Variants in FAR1 observed in about 807,000 individuals in gnomAD.
The protein encoded by FAR1 is fatty acyl-CoA reductase 1, also known as male sterility domain-containing protein 2.
Under a neutral mutation model 61.1 loss-of-function variants are expected in FAR1, and 22 were observed. The observed-to-expected ratio is 0.36, with a 90% confidence interval of 0.26 to 0.51. The LOEUF (loss-of-function observed/expected upper bound fraction) is 0.51, where lower values mean the gene tolerates loss of function less well. Ranked by LOEUF, FAR1 falls within the 20% of genes least tolerant of loss-of-function variation. The probability of loss-of-function intolerance (pLI) is 0.95; values close to 1 mark genes in which losing one functional copy is unlikely to be tolerated. For missense variants in FAR1, 359 were observed against 626.9 expected (o/e 0.57, Z 4.56); for synonymous variants, 206 against 209.7 (o/e 0.98, Z 0.15).
At chr11:13,706,359 A>T (rs754367706) in intron 3 of FAR1, among the ~76,000 whole-genome samples, 27 of 152,272 alleles carry the variant, frequency 1.8e-4, no homozygotes, top group African/African-American at 6.0e-4. Context: ...ATTAATAAAT[A>T]TACCATTTCT....
rs574884146 is a variant in FAR1, at chr11:13,678,404, A to G, written c.-8+9598A>G. Among the ~76,000 whole-genome samples, 6 of 151,942 alleles carry G rather than the reference A, an allele frequency of 3.9e-5. No individual in the cohort carries two copies. In the South Asian group the frequency reaches 1.2e-3, roughly 32 times the overall value. On this transcript the variant is annotated intron_variant, in intron 1 of 11. Transcript: ENST00000354817. ...CTCAGCCTCCTGAGTAGCTGGGACT[A>G]CAGATGCCTGCCACCATGCCCAGCT...
At position 13,727,655 on chromosome 11, in the gene FAR1, C is replaced by G. The variant is rs1158090761; in HGVS notation, c.1357C>G (p.Leu453Val). Residue 453 changes from leucine to valine, a missense_variant, in exon 11 of 12, where the codon CTC becomes GTC. Transcript: ENST00000354817. ...KYVLNEEMSGLPAARKHLNKL... is the reference protein window; with the variant it reads ...KYVLNEEMSGVPAARKHLNKL... The stretch of plus-strand genomic sequence containing the variant: ...CGTATTGAATGAAGAAATGTCTGGC[C>G]TCCCTGCAGCCAGAAAACATCTGAA... The G allele has an allele frequency of 6.2e-7, 1 of 1,609,020 alleles. No homozygotes were observed. Among genetic ancestry groups the G allele is most frequent in the South Asian group, 1.1e-5 (1 of 90,568 alleles).
At chr11:13,724,139 T>C (rs1848643589) in intron 10 of FAR1, among the ~76,000 whole-genome samples, 1 of 152,218 alleles carries the variant, frequency 6.6e-6, no homozygotes, top group South Asian at 2.1e-4. Context: ...GATAAGGATT[T>C]GCCTTTGCTT....
At chr11:13,707,817 C>G in intron 3 of FAR1, 83 bp from the exon 4 acceptor site, 1 of 1,040,648 alleles carries the variant, frequency 9.6e-7, no homozygotes, top group Non-Finnish European at 1.3e-6. Flanking sequence ...TGTCTCTCTA[C>G]TTCTCTAATG....
intron 10 of FAR1, among the ~76,000 whole-genome samples, chr11:13,727,260 T>C (rs1227886516): frequency 6.6e-6 from 1 of 151,980 alleles, no homozygotes; most frequent in Admixed American, 6.6e-5. Flanking sequence ...TCTTTTTTTT[T>C]CTTTGTTTAG....
intron 11 of FAR1, among the ~76,000 whole-genome samples, chr11:13,728,190 A>AGTAACATATTGTTACTCTTT (rs1225649403): frequency 6.6e-6 from 1 of 151,872 alleles, no homozygotes; most frequent in East Asian, 1.9e-4. Context: ...GAAACATGAG[A>AGTAACATATTGTTACTCTTT]GTAACATATT....
chr11:13,695,915 T>G (rs1178497303), intron 2 of FAR1, among the ~76,000 whole-genome samples: 1 of 152,244 alleles, frequency 6.6e-6, no homozygotes. Flanking sequence ...GATTCTTTCT[T>G]AGAAGTTTAA....
chr11:13,712,886 T>C, intron 7 of FAR1, 80 bp from the exon 8 acceptor site: 2 of 1,064,468 alleles, frequency 1.9e-6, no homozygotes, highest in Non-Finnish European at 2.8e-6. Flanking sequence ...CCTCATGTCT[T>C]CTTGAATACT....
At chr11:13,683,093 A>G (rs931287818) in intron 1 of FAR1, among the ~76,000 whole-genome samples, 3 of 152,156 alleles carry the variant, frequency 2.0e-5, no homozygotes, top group Non-Finnish European at 4.4e-5. Flanking sequence ...AGATAAGCAG[A>G]ATTAATTAAA....
At chr11:13,698,293 T>A (rs1182885541) in intron 2 of FAR1, among the ~76,000 whole-genome samples, 1 of 152,196 alleles carries the variant, frequency 6.6e-6, no homozygotes, top group African/African-American at 2.4e-5. Flanking sequence ...CTCTTGGACT[T>A]GTATGCTGAG....
At chr11:13,684,911 GTAT>G (rs1318958092) in intron 1 of FAR1, among the ~76,000 whole-genome samples, 2 of 152,158 alleles carry the variant, frequency 1.3e-5, no homozygotes, top group African/African-American at 4.8e-5. Flanking sequence ...ATGTTTGAAT[GTAT>G]TATTAGTCTT....
At chr11:13,674,233 C>G (rs770432585) in intron 1 of FAR1, among the ~76,000 whole-genome samples, 4 of 150,056 alleles carry the variant, frequency 2.7e-5, no homozygotes, top group African/African-American at 4.9e-5. Flanking sequence ...TGCTTGAACC[C>G]GGGAGGCAGA....
intron 9 of FAR1, chr11:13,720,628 C>G (rs1474142824): frequency 2.0e-5 from 3 of 151,876 alleles, no homozygotes; most frequent in East Asian, 1.9e-4. Context: ...ATCAGAAGTG[C>G]TTAGCTAATG....
At chr11:13,724,554 A>G (rs1283224030) in intron 10 of FAR1, among the ~76,000 whole-genome samples, 1 of 149,036 alleles carries the variant, frequency 6.7e-6, no homozygotes, top group East Asian at 1.9e-4. Flanking sequence ...CGCCTCAAAA[A>G]AAAAAAAAAA....
At chr11:13,689,363 C>T (rs1848223260) in intron 1 of FAR1, among the ~76,000 whole-genome samples, 1 of 152,128 alleles carries the variant, frequency 6.6e-6, no homozygotes, top group Non-Finnish European at 1.5e-5. Flanking sequence ...AGATGTTTTG[C>T]CTAGTTTGAA....
At chr11:13,722,463 CTAATT>C (rs1848620426) in intron 10 of FAR1, among the ~76,000 whole-genome samples, 1 of 151,756 alleles carries the variant, frequency 6.6e-6, no homozygotes. Context: ...CTTCAGTTCT[CTAATT>C]TTTTTTTTCT....
Position 13,721,926 on chromosome 11 carries a change from C to A in FAR1, c.1257+67C>A. The stretch of plus-strand genomic sequence containing the variant: ...ATACTAATTACAGAACTATTAGCAA[C>A]CTGAGAAATATTTTCCACAGCTATT... On this transcript the variant is annotated intron_variant, in intron 10 of 11. Transcript: ENST00000354817. This position sits in a 1 kb window ranked among gnomAD's most constrained non-coding sequence, Gnocchi z 4.2. 7.6e-7 allele frequency: 1 copy of A among 1,321,578 alleles called. No homozygotes were observed. The allele number at this position is 1,321,578 out of a possible 1,614,324, so 81.9% of individuals were successfully genotyped here.
In FAR1 at chr11:13,697,433, G is replaced by A. The variant is rs1268523525; in HGVS notation, c.189+2479G>A. 2.0e-5 allele frequency among the ~76,000 whole-genome samples: 3 copies of A among 152,062 alleles called. No individual in the cohort carries two copies. The East Asian group carries it at 5.8e-4, about 29-fold the overall frequency. On this transcript the variant is annotated intron_variant, in intron 2 of 11. Coordinates refer to ENST00000354817, the MANE Select transcript of FAR1 (RefSeq NM_032228.6). ...GTTGAGATTGCGCCACTGCACTCCA[G>A]CATGGGTGATGAGTAAGACCCTATC...
intron 4 of FAR1, among the ~76,000 whole-genome samples, chr11:13,708,434 T>TGCGCGCAC (rs1555063888): frequency 1.5e-5 from 2 of 134,380 alleles, no homozygotes; most frequent in African/African-American, 5.6e-5. Context: ...CATATACATG[T>TGCGCGCAC]GCGCGCGCGC....
Sources: gnomAD v4.1 joint callset for allele counts (sites outside exome capture counted in the v4.1 genomes callset) on GRCh38, gnomAD v4.1.1 for gene constraint, Gnocchi (gnomAD v3.1) non-coding constraint, MANE v1.5 for transcripts, NCBI Gene and HGNC (gene_info 2026-07-23, HGNC 2026-07-21) for gene names.